Variants in SPAG17 observed in about 807,000 individuals in gnomAD.
SPAG17 encodes sperm associated antigen 17.
A neutral mutation model predicts 273.6 loss-of-function variants in SPAG17; 169 were observed. The observed-to-expected ratio is 0.62, with a 90% confidence interval of 0.55 to 0.70. The LOEUF (loss-of-function observed/expected upper bound fraction) is 0.70. Ranked by LOEUF, SPAG17 falls within the 30% of genes least tolerant of loss-of-function variation. The pLI is 0.00. For missense variants in SPAG17, 2,557 were observed against 2,627.8 expected, an observed-to-expected ratio of 0.97 and a Z score of 0.59; for synonymous variants, 825 against 873.2, an observed-to-expected ratio of 0.94 and a Z score of 0.97.
At chr1:118,050,558 T>C (rs1650879861) in intron 20 of SPAG17, among the ~76,000 whole-genome samples, 3 of 152,116 alleles carry the variant, frequency 2.0e-5, no homozygotes, top group Non-Finnish European at 4.4e-5. Context: ...CAGAGATCAA[T>C]GGAATACAAT....
chr1:117,959,188 A>G (rs993766428), intron 48 of SPAG17: 4 of 1,433,676 alleles, frequency 2.8e-6, no homozygotes, highest in African/African-American at 2.9e-5. Context: ...TGAGGGAAAG[A>G]TAAGTAACAA....
chr1:118,115,702 TAGACTC>T (rs1486245547), intron 3 of SPAG17, among the ~76,000 whole-genome samples: 1 of 152,164 alleles, frequency 6.6e-6, no homozygotes, highest in African/African-American at 2.4e-5. Context: ...ACGATGGTGT[TAGACTC>T]AGACTCCAGG....
chr1:118,131,398 C>T (rs1257117469), intron 3 of SPAG17, among the ~76,000 whole-genome samples: 4 of 152,154 alleles, frequency 2.6e-5, no homozygotes, highest in Non-Finnish European at 5.9e-5. Context: ...GTTTTGCTCC[C>T]CTGGCTACTC....
chr1:118,159,017 T>C (rs1250733015), intron 1 of SPAG17, among the ~76,000 whole-genome samples: 2 of 152,214 alleles, frequency 1.3e-5, no homozygotes, highest in Non-Finnish European at 2.9e-5. Context: ...TTCTTGAACT[T>C]AGCAGCCAAA....
chr1:117,987,930 C>G lies in SPAG17; in HGVS notation c.5622-49G>C, dbSNP rs756779538. Reference sequence around the variant, plus strand: ...TGGTGAAAAGGGGCAATGATTTCAGCTTAAAAACAAAACCAAAAACCCTCA... The same window carrying G: ...TGGTGAAAAGGGGCAATGATTTCAGGTTAAAAACAAAACCAAAAACCCTCA... On this transcript the variant is annotated intron_variant, in intron 39 of 48. Transcript: ENST00000336338. The G allele has an allele frequency of 8.1e-6, 13 of 1,604,608 alleles. No individual in the cohort carries two copies. In the Admixed American group the frequency reaches 2.0e-4, roughly 25 times the overall value.
rs545538128 is a variant in SPAG17 at position 118,075,034 on chromosome 1, G to T, written c.2210-434C>A. ...TATCTTGTGGATGACAGACTAGGGT[G>T]GGGGCAGGCCATGCGTGCAAAGAGG... On this transcript the variant is annotated intron_variant, in intron 15 of 48. Coordinates refer to ENST00000336338, the MANE Select transcript of SPAG17 (RefSeq NM_206996.4). 7.9e-5 allele frequency among the ~76,000 whole-genome samples: 12 copies of T among 152,304 alleles called. 1 individual carries two copies. The East Asian group carries it at 1.9e-3, about 24-fold the overall frequency.
chr1:118,008,858 A>G (rs1478471608), intron 30 of SPAG17, among the ~76,000 whole-genome samples: 1 of 152,148 alleles, frequency 6.6e-6, no homozygotes, highest in African/African-American at 2.4e-5. Context: ...TTGTGTGTGT[A>G]TGACTCCCCT....
At chr1:117,967,373 G>A (rs939221243) in intron 46 of SPAG17, among the ~76,000 whole-genome samples, 3 of 151,866 alleles carry the variant, frequency 2.0e-5, no homozygotes, top group East Asian at 3.9e-4. Context: ...TTCCTTGCAG[G>A]GGTGTCCAAT....
rs878899270 is a variant in SPAG17, at chr1:117,973,647, A to G, written c.6005-86T>C. 6.7e-6 allele frequency: 9 copies of G among 1,351,194 alleles called. No homozygotes were observed. The South Asian group carries it at 1.4e-4, about 21-fold the overall frequency. The allele number at this position is 1,351,194 out of a possible 1,614,324, so 83.7% of individuals were successfully genotyped here. On this transcript the variant is annotated intron_variant, in intron 43 of 48. Coordinates refer to ENST00000336338, the MANE Select transcript of SPAG17 (RefSeq NM_206996.4). ...AATATCAGAATGTATGACAACAGAA[A>G]CCAACTTGGAAACTTTTTTTCTTTG... is the stretch of plus-strand genomic sequence containing the variant.
At chr1:118,153,767 TGAACCCAGGAGG>T (rs1659510677) in intron 1 of SPAG17, among the ~76,000 whole-genome samples, 1 of 151,910 alleles carries the variant, frequency 6.6e-6, no homozygotes, top group African/African-American at 2.4e-5. Context: ...GAGAATGGCA[TGAACCCAGGAGG>T]CAGTGCAGTG....
At chr1:118,049,129 A>G (rs188847256) in intron 20 of SPAG17, among the ~76,000 whole-genome samples, 6 of 152,324 alleles carry the variant, frequency 3.9e-5, no homozygotes, top group Non-Finnish European at 2.9e-5. Flanking sequence ...GGCTTTACTA[A>G]TGAATTCTCT....
At chr1:118,079,912 G>A (rs971395200) in intron 15 of SPAG17, among the ~76,000 whole-genome samples, 2 of 152,036 alleles carry the variant, frequency 1.3e-5, no homozygotes, top group African/African-American at 4.8e-5. Flanking sequence ...GTTGTTTAAT[G>A]TTTGACCTAG....
intron 20 of SPAG17, among the ~76,000 whole-genome samples, chr1:118,045,836 G>C (rs972035932): frequency 6.6e-6 from 1 of 152,162 alleles, no homozygotes; most frequent in African/African-American, 2.4e-5. Flanking sequence ...CACCCAGTTG[G>C]TGTTCGGAAA....
chr1:117,984,062 A>C, intron 41 of SPAG17, 149 bp from the exon 42 acceptor site: 2 of 513,782 alleles, frequency 3.9e-6, no homozygotes, highest in Non-Finnish European at 7.0e-6. Flanking sequence ...GAGACTGATT[A>C]ACCCAATTCT....
Position 117,973,417 on chromosome 1 carries a change from T to C in SPAG17, c.6141+8A>G, listed in dbSNP as rs1284442556. 5.0e-6 allele frequency: 8 copies of C among 1,610,984 alleles called. No homozygotes were observed. Among genetic ancestry groups the C allele is most frequent in the African/African-American group, 1.3e-5 (1 of 74,856 alleles). On this transcript the variant is annotated splice_region_variant and intron_variant, in intron 44 of 48. Coordinates refer to ENST00000336338, the MANE Select transcript of SPAG17 (RefSeq NM_206996.4). ...GCTGTGGGGAATTTGTTCCAATGTTTGTTTTACCTTTGCAAGAGGTTGAGA... is the reference window on the plus strand; with the variant it reads ...GCTGTGGGGAATTTGTTCCAATGTTCGTTTTACCTTTGCAAGAGGTTGAGA...
intron 32 of SPAG17, among the ~76,000 whole-genome samples, chr1:118,002,627 C>A (rs1382230217): frequency 1.3e-5 from 2 of 152,118 alleles, no homozygotes; most frequent in Non-Finnish European, 2.9e-5. Flanking sequence ...TCTGTTTTAT[C>A]AGAGACTAGG....
At chr1:117,955,411 A>G in intron 48 of SPAG17, 1 of 1,518,218 alleles carries the variant, frequency 6.6e-7, no homozygotes, top group Non-Finnish European at 9.1e-7. Flanking sequence ...ACATTTATGA[A>G]GTGCTTATCT....
intron 1 of SPAG17, among the ~76,000 whole-genome samples, chr1:118,173,951 G>GGCTGTT (rs926859796): frequency 4.7e-4 from 72 of 151,840 alleles, no homozygotes; most frequent in African/African-American, 1.7e-3. Context: ...CTTTATCCTG[G>GGCTGTT]GCTGTTGCTA....
intron 18 of SPAG17, among the ~76,000 whole-genome samples, chr1:118,065,543 C>T (rs527543198): frequency 9.2e-5 from 14 of 152,206 alleles, no homozygotes; most frequent in Admixed American, 9.2e-4. Context: ...CATGAATACA[C>T]ATGTAACTAT....
Sources: allele counts gnomAD v4.1 joint callset (sites outside exome capture counted in the v4.1 genomes callset), GRCh38; gene constraint gnomAD v4.1.1; transcripts MANE v1.5; gene names NCBI Gene and HGNC (gene_info 2026-07-23, HGNC 2026-07-21).